CCDC152: variants seen among roughly 807,000 people sequenced by gnomAD.
CCDC152 encodes the protein coiled-coil domain-containing protein 152.
Under a neutral mutation model 38.1 loss-of-function variants are expected in CCDC152, and 37 were observed. The ratio of observed to expected loss-of-function variants is 0.97; its 90% CI spans 0.75 to 1.28. The LOEUF (loss-of-function observed/expected upper bound fraction) is 1.28. CCDC152 is among the 50% of genes most tolerant of loss of function. CCDC152 has a pLI of 0.00. For synonymous variants in CCDC152, 83 were observed against 87.1 expected, an observed-to-expected ratio of 0.95 and a Z score of 0.26; for missense variants, 259 against 292.1, an observed-to-expected ratio of 0.89 and a Z score of 0.83.
In CCDC152 at chr5:42,801,452, T is replaced by C. The variant is rs1307943263; in HGVS notation, c.*1671T>C. ...TAGTTAATTAGAATCGAGCTGGCTT[T>C]GTATTATATTAATGAGAAAGAGTCT... On this transcript the variant is annotated 3_prime_UTR_variant, in exon 9 of 9. Transcript: ENST00000361970. 1 of 719,894 alleles carries C rather than the reference T, an allele frequency of 1.4e-6. No individual in the cohort carries two copies. The highest frequency in any genetic ancestry group is 1.8e-5 in the African/African-American group (1 of 56,164). 44.6% of individuals were successfully genotyped at this position (719,894 alleles called of 1,614,324 possible). A position where few individuals can be genotyped will look rare whatever the true frequency, so the allele number is the denominator to read the frequency against.
rs202038430 is a variant in CCDC152, at chr5:42,796,256, A to T, written c.431-573A>T. On this transcript the variant is annotated intron_variant, in intron 6 of 8. Coordinates refer to ENST00000361970, the MANE Select transcript of CCDC152 (RefSeq NM_001134848.2). ...TAAAGTATAATAATAATAAAATTAA[A>T]AAAAAAAAAAAGAAAGCTAGGAAGC... is the stretch of plus-strand genomic sequence containing the variant. Among the ~76,000 whole-genome samples, 633 of 151,550 alleles carry T rather than the reference A, an allele frequency of 4.2e-3. 2 individuals are homozygous for T. The highest frequency in any genetic ancestry group is 0.014 in the African/African-American group (578 of 41,398).
intron 6 of CCDC152, among the ~76,000 whole-genome samples, chr5:42,792,399 A>G (rs1016060339): frequency 1.3e-5 from 2 of 152,210 alleles, no homozygotes; most frequent in Non-Finnish European, 2.9e-5. Flanking sequence ...ATTTCTCATT[A>G]TCCTTTAGTA....
rs550992460 is a variant in CCDC152 at position 42,800,542 on chromosome 5, G to A, written c.*761G>A. 8.6e-6 allele frequency: 6 copies of A among 696,418 alleles called. No individual in the cohort carries two copies. In the African/African-American group the frequency reaches 9.0e-5, roughly 10 times the overall value. 43.1% of individuals were successfully genotyped at this position (696,418 alleles called of 1,614,324 possible). A position where few individuals can be genotyped will look rare whatever the true frequency, so the allele number is the denominator to read the frequency against. ...CAGTTGCTCCATCATAAAAAATATG[G>A]TTTGAGTCAATATTTCTATGACATA... On this transcript the variant is annotated 3_prime_UTR_variant, in exon 9 of 9. Transcript: ENST00000361970.
intron 6 of CCDC152, among the ~76,000 whole-genome samples, chr5:42,792,896 C>T (rs565452863): frequency 6.6e-6 from 1 of 152,124 alleles, no homozygotes; most frequent in Admixed American, 6.5e-5. Context: ...CTGAGAGGCT[C>T]ATTGTCATGG....
chr5:42,786,382 C>T (rs1372392497), intron 6 of CCDC152, among the ~76,000 whole-genome samples: 1 of 151,986 alleles, frequency 6.6e-6, no homozygotes, highest in Non-Finnish European at 1.5e-5. Flanking sequence ...AGGAATTTTT[C>T]CATTTGCTCT....
intron 6 of CCDC152, among the ~76,000 whole-genome samples, chr5:42,785,609 G>T (rs557535607): frequency 2.6e-5 from 4 of 151,912 alleles, no homozygotes; most frequent in Non-Finnish European, 4.4e-5. Context: ...AATTTGAATG[G>T]CTACTATTTA....
chr5:42,777,360 G>A (rs558993303), intron 4 of CCDC152, among the ~76,000 whole-genome samples: 27 of 152,184 alleles, frequency 1.8e-4, no homozygotes, highest in African/African-American at 6.3e-4. Context: ...CTACTCGGGG[G>A]CCGAGGCAGG....
chr5:42,783,834 T>A (rs558585507), intron 6 of CCDC152, among the ~76,000 whole-genome samples: 1 of 150,768 alleles, frequency 6.6e-6, no homozygotes, highest in South Asian at 2.1e-4. Flanking sequence ...TATAAGTGAG[T>A]ACATGCAGTA....
chr5:42,758,194 C>G (rs962304063), intron 1 of CCDC152, among the ~76,000 whole-genome samples: 1 of 152,098 alleles, frequency 6.6e-6, no homozygotes, highest in African/African-American at 2.4e-5. Context: ...ATTGCTAATG[C>G]AAAATATTTC....
chr5:42,791,919 A>G (rs1012926005), intron 6 of CCDC152, among the ~76,000 whole-genome samples: 4 of 152,312 alleles, frequency 2.6e-5, no homozygotes, highest in African/African-American at 7.2e-5. Flanking sequence ...TTTAGATATA[A>G]TCACTTTTCT....
chr5:42,800,764 G>A lies in CCDC152; in HGVS notation c.*983G>A, dbSNP rs28919926. Reference sequence around the variant, plus strand: ...CACTTTTTTGCCTGATTCTTTCAGCGTCAACTGGCACTGGCTTCTGTGGGT... The same window carrying A: ...CACTTTTTTGCCTGATTCTTTCAGCATCAACTGGCACTGGCTTCTGTGGGT... On this transcript the variant is annotated 3_prime_UTR_variant, in exon 9 of 9. Transcript: ENST00000361970. 4,524 of 1,611,622 alleles carry A rather than the reference G, an allele frequency of 2.8e-3. 30 individuals carry two copies. The highest frequency in any genetic ancestry group is 0.022 in the Middle Eastern group (130 of 6,044).
chr5:42,768,995 C>T (rs554816486), intron 3 of CCDC152, among the ~76,000 whole-genome samples: 2 of 151,996 alleles, frequency 1.3e-5, no homozygotes, highest in African/African-American at 2.4e-5. Flanking sequence ...TTTTAGGAGA[C>T]CAAGGGGGGT....
At position 42,786,364 on chromosome 5, in the gene CCDC152, A is replaced by G. The variant is rs542543273; in HGVS notation, c.430+2788A>G. ...TCCTGGTTCAATCTCTGGAGGTTGT[A>G]TGTTTCCAGGAATTTTTCCATTTGC... On this transcript the variant is annotated intron_variant, in intron 6 of 8. Coordinates refer to ENST00000361970, the MANE Select transcript of CCDC152 (RefSeq NM_001134848.2). 6.6e-5 allele frequency among the ~76,000 whole-genome samples: 10 copies of G among 152,090 alleles called. 1 individual carries two copies. The East Asian group carries it at 1.9e-3, about 29-fold the overall frequency.
At position 42,801,349 on chromosome 5, in the gene CCDC152, A is replaced by G; in HGVS notation, c.*1568A>G. 1 of 1,566,886 alleles carries G rather than the reference A, an allele frequency of 6.4e-7. No homozygotes were observed. ...TTGAGAGTCTGGAACAAATTTATAA[A>G]TCACTTTTTAACAAGCTTATAGAGA... On this transcript the variant is annotated 3_prime_UTR_variant, in exon 9 of 9. Coordinates refer to ENST00000361970, the MANE Select transcript of CCDC152 (RefSeq NM_001134848.2).
At chr5:42,795,403 G>A (rs1760061038) in intron 6 of CCDC152, among the ~76,000 whole-genome samples, 1 of 152,116 alleles carries the variant, frequency 6.6e-6, no homozygotes, top group Admixed American at 6.5e-5. Context: ...AGAACTAGTA[G>A]GTGACAGACA....
At chr5:42,761,446 C>T (rs1561271265) in intron 2 of CCDC152, among the ~76,000 whole-genome samples, 1 of 152,122 alleles carries the variant, frequency 6.6e-6, no homozygotes, top group South Asian at 2.1e-4. Context: ...GAAACCCTGT[C>T]TCTGCTAAAA....
intron 6 of CCDC152, among the ~76,000 whole-genome samples, chr5:42,789,163 G>A (rs535375822): frequency 6.6e-6 from 1 of 152,306 alleles, no homozygotes; most frequent in Middle Eastern, 3.4e-3. Flanking sequence ...ATTGTTGCAG[G>A]AGTGAGGAAA....
chr5:42,775,913 T>TAAAAAAAAA, intron 4 of CCDC152, among the ~76,000 whole-genome samples: 1 of 105,398 alleles, frequency 9.5e-6, no homozygotes, highest in Non-Finnish European at 2.0e-5. Context: ...GGACAATCAC[T>TAAAAAAAAA]AAAAAAAAAA....
intron 4 of CCDC152, among the ~76,000 whole-genome samples, chr5:42,773,946 C>T (rs1759733267): frequency 1.3e-5 from 2 of 152,176 alleles, no homozygotes; most frequent in South Asian, 2.1e-4. Context: ...AAATAGAATT[C>T]TAACTTTAAT....
Sources: allele counts gnomAD v4.1 joint callset (sites outside exome capture counted in the v4.1 genomes callset), GRCh38; gene constraint gnomAD v4.1.1; transcripts MANE v1.5; gene names NCBI Gene and HGNC (gene_info 2026-07-23, HGNC 2026-07-21).